The following NCALD variants were observed in gnomAD, a reference collection of about 807,000 sequenced individuals.
The protein encoded by NCALD is neurocalcin delta.
Under a neutral mutation model 18.6 loss-of-function variants are expected in NCALD, and 10 were observed. The ratio of observed to expected loss-of-function variants is 0.54; its 90% CI spans 0.33 to 0.91. The LOEUF is 0.91. Ranked by LOEUF, NCALD falls within the 40% of genes least tolerant of loss-of-function variation. The pLI, the probability that NCALD is intolerant of heterozygous loss-of-function variation, is 0.03. For synonymous variants in NCALD, 88 were observed against 87.4 expected, an observed-to-expected ratio of 1.01 and a Z score of -0.04; for missense variants, 184 against 247.6, an observed-to-expected ratio of 0.74 and a Z score of 1.72.
intron 1 of NCALD, among the ~76,000 whole-genome samples, chr8:102,116,601 G>A (rs1358807427): frequency 1.3e-5 from 2 of 152,182 alleles, no homozygotes; most frequent in African/African-American, 4.8e-5. Context: ...TCCTACCTCA[G>A]CCTCCCGAGT....
At chr8:101,740,654 A>G (rs1315984842) in intron 1 of NCALD, among the ~76,000 whole-genome samples, 2 of 152,228 alleles carry the variant, frequency 1.3e-5, no homozygotes, top group Non-Finnish European at 2.9e-5. Flanking sequence ...AGCTTAATCT[A>G]AAGAGAGGAA....
intron 1 of NCALD, among the ~76,000 whole-genome samples, chr8:101,788,125 T>C (rs1384099053): frequency 6.6e-6 from 1 of 152,152 alleles, no homozygotes; most frequent in Non-Finnish European, 1.5e-5. Context: ...TTAGAGAACA[T>C]TGCAAAATTC....
intron 1 of NCALD, among the ~76,000 whole-genome samples, chr8:101,788,157 C>T (rs79120981): frequency 0.013 from 1,989 of 152,228 alleles, 55 homozygotes; most frequent in African/African-American, 0.045. Context: ...GAATAAAATC[C>T]GATGCGGTGG....
intron 1 of NCALD, among the ~76,000 whole-genome samples, chr8:101,762,406 C>T (rs567623119): frequency 6.6e-6 from 1 of 152,180 alleles, no homozygotes; most frequent in South Asian, 2.1e-4. Context: ...GCTTAAGAGA[C>T]TTAGGAAAAG....
chr8:101,956,818 C>A (rs1443567461), intron 2 of NCALD, among the ~76,000 whole-genome samples: 2 of 152,206 alleles, frequency 1.3e-5, no homozygotes, highest in Non-Finnish European at 2.9e-5. Flanking sequence ...ACCTAGCCCA[C>A]ACCATTGTGC....
chr8:101,770,864 A>T (rs1811558912), intron 1 of NCALD, among the ~76,000 whole-genome samples: 1 of 152,236 alleles, frequency 6.6e-6, no homozygotes, highest in Non-Finnish European at 1.5e-5. Context: ...AAAAATAGAT[A>T]AAATCTTTAG....
At chr8:102,049,387 T>C (rs1273543438) in intron 1 of NCALD, among the ~76,000 whole-genome samples, 1 of 152,186 alleles carries the variant, frequency 6.6e-6, no homozygotes, top group African/African-American at 2.4e-5. Flanking sequence ...CTTCCTTTTA[T>C]CGCTGAAAAA....
At chr8:101,749,382 G>T (rs982219905) in intron 1 of NCALD, among the ~76,000 whole-genome samples, 2 of 152,102 alleles carry the variant, frequency 1.3e-5, no homozygotes, top group African/African-American at 2.4e-5. Context: ...TTTTGAATAG[G>T]ATTTAAAAAA....
chr8:101,752,864 C>A (rs1810717282), intron 1 of NCALD, among the ~76,000 whole-genome samples: 1 of 152,006 alleles, frequency 6.6e-6, no homozygotes, highest in South Asian at 2.1e-4. Context: ...TTTATTTAAC[C>A]AAAATGGAAT....
chr8:102,004,830 T>C (rs1004693414), intron 2 of NCALD, among the ~76,000 whole-genome samples: 3 of 152,090 alleles, frequency 2.0e-5, no homozygotes, highest in Non-Finnish European at 2.9e-5. Flanking sequence ...TAGCCATATG[T>C]AGAAAGCTGA....
At chr8:102,066,206 A>G (rs977938178) in intron 1 of NCALD, among the ~76,000 whole-genome samples, 6 of 152,240 alleles carry the variant, frequency 3.9e-5, no homozygotes, top group Non-Finnish European at 8.8e-5. Flanking sequence ...AATTGTCACA[A>G]TAACTTTGAA....
intron 1 of NCALD, among the ~76,000 whole-genome samples, chr8:101,768,715 CA>C (rs1330711910): frequency 2.7e-4 from 9 of 33,410 alleles, no homozygotes; most frequent in South Asian, 1.0e-3. Flanking sequence ...TCTCAAAAAA[CA>C]AAAAAACAAA....
intron 1 of NCALD, chr8:101,721,177 AAC>A (rs1816339385): frequency 6.8e-6 from 1 of 147,722 alleles, no homozygotes; most frequent in Non-Finnish European, 1.5e-5. Context: ...GGAAAAAAAA[AAC>A]CTGAAAGCAA....
At chr8:101,693,318 G>GTTTTTTTTTTTTT (rs71276999) in intron 2 of NCALD, 1 of 60,000 alleles carries the variant, frequency 1.7e-5, no homozygotes, top group Non-Finnish European at 3.2e-5. Context: ...CACACAGGGC[G>GTTTTTTTTTTTTT]TTTTTTTTTT....
At chr8:101,822,535 G>A (rs1252369911) in intron 4 of NCALD, among the ~76,000 whole-genome samples, 2 of 152,150 alleles carry the variant, frequency 1.3e-5, no homozygotes, top group African/African-American at 4.8e-5. Context: ...CATGGAAAGG[G>A]CGAAGAGGGA....
Position 101,692,777 on chromosome 8 carries a change from C to A in NCALD, c.484+14G>T, listed in dbSNP as rs775157942. Reference sequence around the variant, plus strand: ...CCCCCATCTGAGCAAAGCAGTGTAGCCCCCGCCTCCTACCGTCTCTATTGG... The same window carrying A: ...CCCCCATCTGAGCAAAGCAGTGTAGACCCCGCCTCCTACCGTCTCTATTGG... On this transcript the variant is annotated intron_variant, in intron 3 of 3. Transcript: ENST00000220931. 6.3e-5 allele frequency: 101 copies of A among 1,600,368 alleles called. 1 individual carries two copies. In the South Asian group the frequency reaches 8.7e-4, roughly 14 times the overall value.
chr8:101,761,914 A>T (rs1047108981), intron 1 of NCALD, among the ~76,000 whole-genome samples: 6 of 152,222 alleles, frequency 3.9e-5, no homozygotes, highest in Admixed American at 3.9e-4. Context: ...TCGAATGTAC[A>T]TGTGGGAGTA....
chr8:101,719,125 G>T, intron 2 of NCALD, 127 bp downstream of exon 2: 1 of 1,088,852 alleles, frequency 9.2e-7, no homozygotes, highest in Non-Finnish European at 1.3e-6. Flanking sequence ...AAACATGCAG[G>T]GTGGGCCAAA....
intron 4 of NCALD, among the ~76,000 whole-genome samples, chr8:101,796,621 T>C (rs1812648793): frequency 6.6e-6 from 1 of 151,920 alleles, no homozygotes; most frequent in Non-Finnish European, 1.5e-5. Flanking sequence ...CAGCAGACAA[T>C]ATCTAGACTG....
Sources: gnomAD v4.1 joint callset for allele counts (sites outside exome capture counted in the v4.1 genomes callset) on GRCh38, gnomAD v4.1.1 for gene constraint, MANE v1.5 for transcripts, NCBI Gene and HGNC (gene_info 2026-07-23, HGNC 2026-07-21) for gene names.